GNAO1: variants seen among roughly 807,000 people sequenced by gnomAD.
GNAO1 encodes G protein subunit alpha o1, also known as guanine nucleotide-binding protein G(o) subunit alpha.
For synonymous variants in GNAO1, 164 were observed against 180.7 expected (o/e 0.91, Z 0.74); for missense variants, 166 against 478.7 (o/e 0.35, Z 6.10).
Position 56,354,730 on chromosome 16 carries a change from G to A in GNAO1, c.878-136G>A. The A allele has an allele frequency of 1.7e-6, 1 of 588,838 alleles. No homozygotes were observed. The highest frequency in any genetic ancestry group is 3.0e-6 in the Non-Finnish European group (1 of 329,780). 36.5% of individuals were successfully genotyped at this position (588,838 alleles called of 1,614,324 possible). On this transcript the variant is annotated intron_variant, in intron 7 of 8. Transcript: ENST00000262493. The surrounding 1 kb of genome is among the most constrained non-coding windows in gnomAD (Gnocchi z 4.3). ...AACTATGGCTTGGAACTGCCCAGCA[G>A]TTCCTACTGCTCCCTTCCTGTCTCA...
At chr16:56,236,465 C>T (rs1488582980) in intron 2 of GNAO1, among the ~76,000 whole-genome samples, 1 of 152,134 alleles carries the variant, frequency 6.6e-6, no homozygotes, top group East Asian at 1.9e-4. Context: ...GAGCTTTAGA[C>T]ATTTCCAGGT....
At chr16:56,340,600 C>G in intron 6 of GNAO1, 1 of 525,994 alleles carries the variant, frequency 1.9e-6, no homozygotes. Flanking sequence ...GCAGCATCCC[C>G]CAACCCTGCC....
intron 3 of GNAO1, among the ~76,000 whole-genome samples, chr16:56,278,994 T>C (rs2037089877): frequency 6.6e-6 from 1 of 152,150 alleles, no homozygotes; most frequent in Admixed American, 6.5e-5. Flanking sequence ...AACCACCTTA[T>C]GCTGCAGGAG....
At position 56,315,984 on chromosome 16, in the gene GNAO1, G is replaced by A. The variant is rs565030581; in HGVS notation, c.304-12647G>A. Reference sequence around the variant, plus strand: ...TGAGGCAGGAGAATTGCTTGAACCCGGGAGGCGGAGGTTGCAGTAGGCCAA... The same window carrying A: ...TGAGGCAGGAGAATTGCTTGAACCCAGGAGGCGGAGGTTGCAGTAGGCCAA... On this transcript the variant is annotated intron_variant, in intron 3 of 8. Transcript: ENST00000262493. 2.3e-3 allele frequency among the ~76,000 whole-genome samples: 347 copies of A among 152,116 alleles called. 3 individuals carry two copies. Among genetic ancestry groups the A allele is most frequent in the Middle Eastern group, 6.8e-3 (2 of 294 alleles).
At chr16:56,261,100 G>A (rs530505389) in intron 2 of GNAO1, among the ~76,000 whole-genome samples, 16 of 152,298 alleles carry the variant, frequency 1.1e-4, no homozygotes, top group East Asian at 3.9e-4. Context: ...GACCACTGCC[G>A]TTTCATTTGA....
At position 56,351,325 on chromosome 16, in the gene GNAO1, C is replaced by G; in HGVS notation, c.724-59C>G. 7.8e-7 allele frequency: 1 copy of G among 1,286,230 alleles called. No homozygotes were observed. Among genetic ancestry groups the G allele is most frequent in the South Asian group, 1.2e-5 (1 of 81,056 alleles). The allele number at this position is 1,286,230 out of a possible 1,614,324, so 79.7% of individuals were successfully genotyped here. A position where few individuals can be genotyped will look rare whatever the true frequency, so the allele number is the denominator to read the frequency against. On this transcript the variant is annotated intron_variant, in intron 6 of 8. Transcript: ENST00000262493. This position sits in a 1 kb window ranked among gnomAD's most constrained non-coding sequence, Gnocchi z 6.1. Reference sequence around the variant, plus strand: ...AAGCCTAATTCTCTCCTTCTCTTTCCCTGTCTCTGTGTCTCCCTCCCGCTG... The same window carrying G: ...AAGCCTAATTCTCTCCTTCTCTTTCGCTGTCTCTGTGTCTCCCTCCCGCTG...
At chr16:56,337,608 T>C (rs1161987154) in intron 6 of GNAO1, among the ~76,000 whole-genome samples, 1 of 152,244 alleles carries the variant, frequency 6.6e-6, no homozygotes, top group Non-Finnish European at 1.5e-5. Flanking sequence ...GCAGCACCCT[T>C]TCTGGCTCAG....
At chr16:56,304,602 T>A (rs1463760147) in intron 3 of GNAO1, among the ~76,000 whole-genome samples, 2 of 152,222 alleles carry the variant, frequency 1.3e-5, no homozygotes, top group Admixed American at 6.5e-5. Flanking sequence ...ACTTTTTTTT[T>A]AATGTGGGCA....
At chr16:56,250,821 A>G (rs77441540) in intron 2 of GNAO1, among the ~76,000 whole-genome samples, 1,913 of 152,302 alleles carry the variant, frequency 0.013, 25 homozygotes, top group Middle Eastern at 0.051. Context: ...TATCCCAGGA[A>G]GAGTCTTAAT....
chr16:56,281,595 C>T (rs2037115195), intron 3 of GNAO1, among the ~76,000 whole-genome samples: 1 of 151,810 alleles, frequency 6.6e-6, no homozygotes, highest in South Asian at 2.1e-4. Flanking sequence ...TCCCCTTTTC[C>T]TCCTCCCCTT....
intron 6 of GNAO1, chr16:56,346,173 G>A (rs914555796): frequency 1.0e-6 from 1 of 985,348 alleles, no homozygotes; most frequent in Admixed American, 6.1e-5. Flanking sequence ...GTCCTCAGGG[G>A]TATCCGGGGA....
intron 2 of GNAO1, chr16:56,235,434 G>A (rs778975752): frequency 4.4e-6 from 2 of 455,692 alleles, no homozygotes; most frequent in East Asian, 1.4e-4. Context: ...ACGCAGTCCA[G>A]GCAAGGGGCT....
At chr16:56,251,876 G>C (rs375120854) in intron 2 of GNAO1, among the ~76,000 whole-genome samples, 1 of 152,178 alleles carries the variant, frequency 6.6e-6, no homozygotes, top group Non-Finnish European at 1.5e-5. Flanking sequence ...TGGCTCCAGA[G>C]TGAACTGTAA....
chr16:56,298,791 T>A (rs1446882228), intron 3 of GNAO1, among the ~76,000 whole-genome samples: 2 of 151,896 alleles, frequency 1.3e-5, no homozygotes, highest in Non-Finnish European at 2.9e-5. Flanking sequence ...GGCGGGCACC[T>A]GTAGTCCCAG....
At chr16:56,209,980 T>C (rs1358459296) in intron 2 of GNAO1, among the ~76,000 whole-genome samples, 1 of 152,210 alleles carries the variant, frequency 6.6e-6, no homozygotes, top group African/African-American at 2.4e-5. Context: ...TGTAATGACA[T>C]GTATCCATCA....
intron 3 of GNAO1, among the ~76,000 whole-genome samples, chr16:56,289,234 T>A (rs2037206266): frequency 6.6e-6 from 1 of 152,168 alleles, no homozygotes; most frequent in Non-Finnish European, 1.5e-5. Flanking sequence ...CCCCACAGTA[T>A]CCAGCGCACT....
At position 56,300,036 on chromosome 16, in the gene GNAO1, T is replaced by TGTGTGTGTGTGC. The variant is rs753591618; in HGVS notation, c.303+23965_303+23966insTGTGTGTGTGCG. On this transcript the variant is annotated intron_variant, in intron 3 of 8. Coordinates refer to ENST00000262493, the MANE Select transcript of GNAO1 (RefSeq NM_020988.3). Reference sequence around the variant, plus strand: ...GTGTGTGTGTGTGTGTGTGTGTGTGTGCGCGCGCGCGCGCGCACGCACATG... The same window carrying TGTGTGTGTGTGC: ...GTGTGTGTGTGTGTGTGTGTGTGTGTGTGTGTGTGTGCGCGCGCGCGCGCGCGCACGCACATG... Among the ~76,000 whole-genome samples, 897 of 95,108 alleles carry TGTGTGTGTGTGC rather than the reference T, an allele frequency of 9.4e-3. 11 individuals are homozygous for TGTGTGTGTGTGC. Among genetic ancestry groups the TGTGTGTGTGTGC allele is most frequent in the African/African-American group, 0.04 (836 of 21,060 alleles). 62.4% of individuals were successfully genotyped at this position (95,108 alleles called of 152,430 possible).
chr16:56,209,812 A>G lies in GNAO1; in HGVS notation c.161+17196A>G, dbSNP rs118126281. 2.5e-3 allele frequency among the ~76,000 whole-genome samples: 385 copies of G among 152,184 alleles called. 1 individual carries two copies. The highest frequency in any genetic ancestry group is 0.013 in the South Asian group (61 of 4,802). On this transcript the variant is annotated intron_variant, in intron 2 of 8. Transcript: ENST00000262493. ...AGAAAATTCCCATACGTCCCTCCCC[A>G]CACACATGCCCAGCCTCCCCCTTAT...
At chr16:56,324,194 A>G (rs76138921) in intron 3 of GNAO1, among the ~76,000 whole-genome samples, 1 of 152,224 alleles carries the variant, frequency 6.6e-6, no homozygotes, top group East Asian at 1.9e-4. Flanking sequence ...TCCAGGCCAC[A>G]CATGGAAGCT....
Sources: allele counts gnomAD v4.1 joint callset (sites outside exome capture counted in the v4.1 genomes callset), GRCh38; gene constraint gnomAD v4.1.1; non-coding constraint Gnocchi (gnomAD v3.1); transcripts MANE v1.5; gene names NCBI Gene and HGNC (gene_info 2026-07-23, HGNC 2026-07-21).